TRPM3: variants seen among roughly 807,000 people sequenced by gnomAD.
TRPM3 encodes transient receptor potential cation channel subfamily M member 3.
Under a neutral mutation model 181.2 loss-of-function variants are expected in TRPM3, and 77 were observed. That is an observed-to-expected ratio of 0.42 (90% CI 0.35 to 0.51). The LOEUF is 0.51. Ranked by LOEUF, TRPM3 falls within the 20% of genes least tolerant of loss-of-function variation. TRPM3 has a pLI of 0.01. For synonymous variants in TRPM3, 745 were observed against 796.4 expected, an observed-to-expected ratio of 0.94 and a Z score of 1.09; for missense variants, 1,759 against 2,196.7, an observed-to-expected ratio of 0.80 and a Z score of 3.98.
intron 1 of TRPM3, among the ~76,000 whole-genome samples, chr9:71,061,191 G>A (rs1250464426): frequency 3.3e-5 from 5 of 152,108 alleles, no homozygotes; most frequent in Admixed American, 6.5e-5. Flanking sequence ...GACTTGTTAC[G>A]AGCAAAGAGG....
chr9:71,246,563 G>A (rs2082045282), intron 1 of TRPM3, among the ~76,000 whole-genome samples: 1 of 152,168 alleles, frequency 6.6e-6, no homozygotes, highest in South Asian at 2.1e-4. Context: ...AGCAAACAAT[G>A]GCTTTAACAA....
intron 1 of TRPM3, among the ~76,000 whole-genome samples, chr9:70,954,123 G>A (rs1303877450): frequency 6.6e-6 from 1 of 152,106 alleles, no homozygotes; most frequent in African/African-American, 2.4e-5. Flanking sequence ...AAAGCAGAAG[G>A]AAACCAAAGA....
At chr9:71,147,020 T>C (rs1487756351) in intron 1 of TRPM3, among the ~76,000 whole-genome samples, 2 of 152,150 alleles carry the variant, frequency 1.3e-5, no homozygotes, top group Non-Finnish European at 2.9e-5. Flanking sequence ...GGAAACCAAG[T>C]AGGGGCTAGC....
At chr9:71,227,386 C>A (rs1409755427) in intron 1 of TRPM3, among the ~76,000 whole-genome samples, 1 of 151,898 alleles carries the variant, frequency 6.6e-6, no homozygotes, top group Non-Finnish European at 1.5e-5. Flanking sequence ...TAAGTCCCTA[C>A]ACTGAAAAAT....
At chr9:71,104,352 T>G (rs1565204108) in intron 1 of TRPM3, among the ~76,000 whole-genome samples, 1 of 152,172 alleles carries the variant, frequency 6.6e-6, no homozygotes, top group Non-Finnish European at 1.5e-5. Flanking sequence ...TGATTTTCCT[T>G]AAAACCCATG....
chr9:71,393,465 G>A (rs537622982), intron 1 of TRPM3, among the ~76,000 whole-genome samples: 1 of 152,270 alleles, frequency 6.6e-6, no homozygotes, highest in African/African-American at 2.4e-5. Flanking sequence ...GTGCTTGAAA[G>A]GGAGAATTTG....
chr9:70,848,102 T>C (rs1299326255), intron 3 of TRPM3, among the ~76,000 whole-genome samples: 3 of 152,154 alleles, frequency 2.0e-5, no homozygotes, highest in Admixed American at 1.3e-4. Flanking sequence ...TAACTGTTAA[T>C]ATGTTAAAAA....
rs538514375 is a variant in TRPM3, at chr9:70,743,612, TG to T, written c.1272+17988del. ...CTTAATGGGAGTCATCCAGCTGTCC[TG>T]TTTCAACTGGAATGGAGAGACTAGG... On this transcript the variant is annotated intron_variant, in intron 8 of 25. Transcript: ENST00000677713. 1.1e-3 allele frequency among the ~76,000 whole-genome samples: 171 copies of T among 152,154 alleles called. 1 individual carries two copies. Among genetic ancestry groups the T allele is most frequent in the Non-Finnish European group, 1.6e-3 (111 of 67,992 alleles).
At chr9:70,865,628 T>C (rs1016427157) in intron 1 of TRPM3, among the ~76,000 whole-genome samples, 2 of 152,090 alleles carry the variant, frequency 1.3e-5, no homozygotes, top group African/African-American at 2.4e-5. Flanking sequence ...CAGATGTCTA[T>C]AAGCTGTGCT....
intron 6 of TRPM3, among the ~76,000 whole-genome samples, chr9:70,819,123 G>A (rs754962983): frequency 6.6e-6 from 1 of 152,204 alleles, no homozygotes; most frequent in Non-Finnish European, 1.5e-5. Flanking sequence ...GCTCCGAGTA[G>A]TGTTTCCTAA....
chr9:70,741,173 A>T (rs567256729), intron 8 of TRPM3, among the ~76,000 whole-genome samples: 62 of 152,366 alleles, frequency 4.1e-4, no homozygotes, highest in African/African-American at 1.4e-3. Context: ...AATTCTCGAA[A>T]GAAGATATAC....
At chr9:70,811,577 G>C (rs1231744922) in intron 6 of TRPM3, among the ~76,000 whole-genome samples, 2 of 152,122 alleles carry the variant, frequency 1.3e-5, no homozygotes, top group Non-Finnish European at 2.9e-5. Flanking sequence ...TTAGAACTTA[G>C]TAAAACCTCA....
intron 1 of TRPM3, among the ~76,000 whole-genome samples, chr9:71,154,087 T>C (rs1276574308): frequency 6.6e-6 from 1 of 152,106 alleles, no homozygotes; most frequent in African/African-American, 2.4e-5. Flanking sequence ...AACAAAACCT[T>C]TGGAGTTTAT....
At chr9:71,016,020 C>A (rs574146994) in intron 1 of TRPM3, among the ~76,000 whole-genome samples, 2 of 151,726 alleles carry the variant, frequency 1.3e-5, no homozygotes, top group Admixed American at 1.3e-4. Flanking sequence ...CATGGTGAAA[C>A]CCCATCTCTA....
rs2083117261 is a variant in TRPM3 at position 70,784,352 on chromosome 9, A to G, written c.974-73T>C. On this transcript the variant is annotated intron_variant, in intron 6 of 25. Coordinates refer to ENST00000677713, the MANE Select transcript of TRPM3 (RefSeq NM_001366145.2). ...AAGCCAGCAAACCAAAGAAACAAAAAGAGAAACAAAAAGCACAAACTAAAA... is the reference window on the plus strand; with the variant it reads ...AAGCCAGCAAACCAAAGAAACAAAAGGAGAAACAAAAAGCACAAACTAAAA... The G allele has an allele frequency of 4.1e-6, 6 of 1,455,366 alleles. No homozygotes were observed. The East Asian group carries it at 1.5e-4, about 36-fold the overall frequency. The allele number at this position is 1,455,366 out of a possible 1,614,324, so 90.2% of individuals were successfully genotyped here.
intron 3 of TRPM3, among the ~76,000 whole-genome samples, chr9:70,847,980 A>G (rs2095051476): frequency 2.0e-5 from 3 of 152,232 alleles, no homozygotes; most frequent in African/African-American, 7.2e-5. Flanking sequence ...TAGTAAAACC[A>G]TAAAATAAAT....
chr9:71,398,431 T>C (rs2093252514), intron 1 of TRPM3, among the ~76,000 whole-genome samples: 3 of 152,174 alleles, frequency 2.0e-5, no homozygotes, highest in South Asian at 2.1e-4. Flanking sequence ...TCAAATCTCA[T>C]GTTGAACTAT....
At chr9:71,018,247 A>G (rs559938630) in intron 1 of TRPM3, among the ~76,000 whole-genome samples, 87 of 151,846 alleles carry the variant, frequency 5.7e-4, no homozygotes, top group Non-Finnish European at 1.0e-3. Flanking sequence ...CTGGAAATCA[A>G]TACTCCAAGG....
intron 1 of TRPM3, among the ~76,000 whole-genome samples, chr9:71,179,727 C>T (rs1186302059): frequency 6.6e-6 from 1 of 152,044 alleles, no homozygotes; most frequent in Non-Finnish European, 1.5e-5. Context: ...ACTTGTCATA[C>T]CAATCAAACA....
Sources: allele counts gnomAD v4.1 joint callset (sites outside exome capture counted in the v4.1 genomes callset), GRCh38; gene constraint gnomAD v4.1.1; transcripts MANE v1.5; gene names NCBI Gene and HGNC (gene_info 2026-07-23, HGNC 2026-07-21).